The following MCF2L2 variants were observed in gnomAD, a reference collection of about 807,000 sequenced individuals.
MCF2L2 encodes the protein probable guanine nucleotide exchange factor MCF2L2.
MCF2L2 carries 102 observed loss-of-function variants against 150.2 expected under a neutral mutation model. The ratio of observed to expected loss-of-function variants is 0.68; its 90% CI spans 0.58 to 0.80. The LOEUF (loss-of-function observed/expected upper bound fraction) is 0.80. Ranked by LOEUF, MCF2L2 falls within the 30% of genes least tolerant of loss-of-function variation. The pLI, the probability that MCF2L2 is intolerant of heterozygous loss-of-function variation, is 0.00. For synonymous variants in MCF2L2, 465 were observed against 491.3 expected, an observed-to-expected ratio of 0.95 and a Z score of 0.71; for missense variants, 1,256 against 1,372.8, an observed-to-expected ratio of 0.91 and a Z score of 1.34.
chr3:183,320,021 A>C (rs7620735), intron 6 of MCF2L2, among the ~76,000 whole-genome samples: 1 of 152,104 alleles, frequency 6.6e-6, no homozygotes, highest in African/African-American at 2.4e-5. Flanking sequence ...GTCTTAGATG[A>C]CATCTTCTTC....
chr3:183,332,880 C>T (rs2108531434), intron 5 of MCF2L2, among the ~76,000 whole-genome samples: 1 of 151,996 alleles, frequency 6.6e-6, no homozygotes, highest in African/African-American at 2.4e-5. Flanking sequence ...TTTGGCTAAT[C>T]CCCAAAGTAG....
chr3:183,186,073 G>T (rs1576905674), intron 27 of MCF2L2, among the ~76,000 whole-genome samples: 1 of 152,130 alleles, frequency 6.6e-6, no homozygotes, highest in Non-Finnish European at 1.5e-5. Context: ...GCCACCAGCT[G>T]CCCTCAAATG....
At chr3:183,301,774 G>T (rs2108499476) in intron 10 of MCF2L2, among the ~76,000 whole-genome samples, 1 of 146,380 alleles carries the variant, frequency 6.8e-6, no homozygotes, top group South Asian at 2.2e-4. Context: ...CAGCCTGGGT[G>T]AGAGCTAGGC....
chr3:183,193,139 G>A (rs1307912632), intron 26 of MCF2L2, 43 bp from the exon 27 acceptor site: 1 of 1,509,048 alleles, frequency 6.6e-7, no homozygotes, highest in Non-Finnish European at 9.2e-7. Context: ...TGGAAGGAAT[G>A]ACACACGCAT....
chr3:183,297,504 G>A (rs968294820), intron 11 of MCF2L2: 1 of 249,580 alleles, frequency 4.0e-6, no homozygotes, highest in Non-Finnish European at 7.9e-6. Context: ...CCAGGCTGGA[G>A]TACAGTAGTG....
chr3:183,345,282 A>G (rs1730855476), intron 3 of MCF2L2, among the ~76,000 whole-genome samples: 1 of 152,236 alleles, frequency 6.6e-6, no homozygotes, highest in South Asian at 2.1e-4. Flanking sequence ...AAACTGCACA[A>G]CTACATGGAA....
chr3:183,188,147 C>G (rs1328576772), intron 27 of MCF2L2, among the ~76,000 whole-genome samples: 3 of 152,192 alleles, frequency 2.0e-5, no homozygotes, highest in African/African-American at 4.8e-5. Flanking sequence ...AGGACCCCCA[C>G]TATACATGCC....
At chr3:183,261,532 C>T (rs193268129) in intron 15 of MCF2L2, among the ~76,000 whole-genome samples, 9 of 152,058 alleles carry the variant, frequency 5.9e-5, no homozygotes, top group East Asian at 5.8e-4. Context: ...TGTGACTCAC[C>T]GGAGGAGCCT....
chr3:183,355,359 A>G (rs549695027), intron 3 of MCF2L2, among the ~76,000 whole-genome samples: 26 of 152,098 alleles, frequency 1.7e-4, no homozygotes, highest in African/African-American at 5.8e-4. Flanking sequence ...CTTAGAGGCA[A>G]CTCCAACACA....
intron 27 of MCF2L2, among the ~76,000 whole-genome samples, chr3:183,189,707 A>G (rs1721812476): frequency 6.6e-6 from 1 of 152,246 alleles, no homozygotes; most frequent in South Asian, 2.1e-4. Context: ...TAGGGAACAC[A>G]GCAAGAATCC....
chr3:183,410,441 A>G (rs1359484903), intron 1 of MCF2L2, among the ~76,000 whole-genome samples: 1 of 152,148 alleles, frequency 6.6e-6, no homozygotes, highest in Non-Finnish European at 1.5e-5. Flanking sequence ...CCCATGGGTG[A>G]CTCAGCCAGT....
intron 15 of MCF2L2, among the ~76,000 whole-genome samples, chr3:183,268,246 G>A (rs2108439982): frequency 6.6e-6 from 1 of 152,348 alleles, no homozygotes; most frequent in East Asian, 1.9e-4. Flanking sequence ...TGGAGAGGCA[G>A]ATCCTAAAGG....
chr3:183,274,250 A>G (rs540328036), intron 15 of MCF2L2, among the ~76,000 whole-genome samples: 1 of 151,990 alleles, frequency 6.6e-6, no homozygotes, highest in South Asian at 2.1e-4. Flanking sequence ...ACTTATCCTC[A>G]TTGTTAAGCA....
chr3:183,216,050 T>C lies in MCF2L2; in HGVS notation c.2415A>G (p.Leu805=), dbSNP rs61674109. 1,906 of 1,614,102 alleles carry C rather than the reference T, an allele frequency of 1.2e-3. 18 individuals are homozygous for C. In the African/African-American group the frequency reaches 0.022, roughly 19 times the overall value. Residue 805 remains leucine (L), a synonymous_variant, in exon 22 of 30, where the codon CTA becomes CTG. Coordinates refer to ENST00000328913, the MANE Select transcript of MCF2L2 (RefSeq NM_015078.4). The stretch of plus-strand genomic sequence containing the variant: ...CCTCTATCACTGCCAAAGCTTGTTG[T>C]AGTTCAGTTGAGAATGCTGAATCTT... ...RTKDSAFSTE[L]QQALAVIEDL... is the part of the protein sequence containing the mutation.
At chr3:183,243,278 T>C (rs1724110342) in intron 15 of MCF2L2, among the ~76,000 whole-genome samples, 1 of 152,134 alleles carries the variant, frequency 6.6e-6, no homozygotes, top group Non-Finnish European at 1.5e-5. Flanking sequence ...GGTGAAATGA[T>C]ATGGTTTGTC....
chr3:183,323,612 C>T (rs771875362), intron 5 of MCF2L2, among the ~76,000 whole-genome samples: 9 of 151,158 alleles, frequency 6.0e-5, no homozygotes, highest in Non-Finnish European at 1.2e-4. Flanking sequence ...AGCAACATAG[C>T]AAGACCCCAT....
intron 5 of MCF2L2, among the ~76,000 whole-genome samples, chr3:183,336,635 G>T (rs537000262): frequency 6.6e-6 from 1 of 151,630 alleles, no homozygotes; most frequent in Non-Finnish European, 1.5e-5. Flanking sequence ...ATCACCTGAG[G>T]TCAGGAGTTC....
chr3:183,351,230 A>ATTTATT (rs1397882865), intron 3 of MCF2L2, among the ~76,000 whole-genome samples: 24 of 79,262 alleles, frequency 3.0e-4, no homozygotes, highest in Non-Finnish European at 4.9e-4. Context: ...ATATATATAT[A>ATTTATT]TATATATTTA....
chr3:183,301,793 CAA>C (rs200514561), intron 10 of MCF2L2, among the ~76,000 whole-genome samples: 130 of 124,294 alleles, frequency 1.0e-3, no homozygotes, highest in Middle Eastern at 4.3e-3. Flanking sequence ...GCTCTGTCTC[CAA>C]AAAAAAAAAA....
Sources: allele counts gnomAD v4.1 joint callset (sites outside exome capture counted in the v4.1 genomes callset), GRCh38; gene constraint gnomAD v4.1.1; transcripts MANE v1.5; gene names NCBI Gene and HGNC (gene_info 2026-07-23, HGNC 2026-07-21).